SLC45A3: variants seen among roughly 807,000 people sequenced by gnomAD.
SLC45A3 encodes solute carrier family 45 member 3, also known as prostate cancer associated protein 2.
In SLC45A3, 17 loss-of-function variants were observed where a neutral mutation model predicts 35.3. The observed-to-expected ratio is 0.48, with a 90% CI of 0.33 to 0.72. The LOEUF (loss-of-function observed/expected upper bound fraction) is 0.72, where lower values mean the gene tolerates loss of function less well. SLC45A3 is among the 30% of genes least tolerant of loss of function. The pLI, the probability that SLC45A3 is intolerant of heterozygous loss-of-function variation, is 0.02. For missense variants in SLC45A3, 597 were observed against 731.7 expected (o/e 0.82, Z 2.12); for synonymous variants, 288 against 334.3 (o/e 0.86, Z 1.51).
At chr1:205,678,192 C>T (rs183100191) in intron 1 of SLC45A3, among the ~76,000 whole-genome samples, 63 of 152,266 alleles carry the variant, frequency 4.1e-4, no homozygotes, top group African/African-American at 1.5e-3. Flanking sequence ...TGGTGGGTGC[C>T]TGTAATCCCA....
At chr1:205,667,941 C>T (rs751131898) in intron 1 of SLC45A3, among the ~76,000 whole-genome samples, 2 of 152,130 alleles carry the variant, frequency 1.3e-5, no homozygotes, top group East Asian at 1.9e-4. Flanking sequence ...TCCAACGCCC[C>T]CCATCCCCAC....
intron 2 of SLC45A3, 97 bp from the exon 3 acceptor site, chr1:205,663,715 C>G: frequency 8.2e-7 from 1 of 1,223,056 alleles, no homozygotes; most frequent in Non-Finnish European, 1.1e-6. Flanking sequence ...AATAACATTC[C>G]GTACTCGACA....
Position 205,662,801 on chromosome 1 carries a change from A to G in SLC45A3, c.958+32T>C, listed in dbSNP as rs374592758. 1 of 1,539,810 alleles carries G rather than the reference A, an allele frequency of 6.5e-7. No individual in the cohort carries two copies. Among genetic ancestry groups the G allele is most frequent in the South Asian group, 1.3e-5 (1 of 79,606 alleles). ...GTGTCGTCTCTGGTGGGCGGCTCCC[A>G]CACCAGCCTCTGCTGGCTGCCAAGG... On this transcript the variant is annotated intron_variant, in intron 3 of 4. Transcript: ENST00000367145. The surrounding 1 kb of genome is among the most constrained non-coding windows in gnomAD (Gnocchi z 6.2).
In SLC45A3 at chr1:205,662,992, T is replaced by C. The variant is rs767789880; in HGVS notation, c.799A>G (p.Met267Val). The change falls in exon 3 of 5, where the codon ATG (methionine) becomes GTG (valine). Residue 267 changes from methionine to valine, a missense_variant. Met to Val is a conservative substitution (Grantham distance 21). Around this residue, in one of 3 missense-constraint regions of SLC45A3, gnomAD observed 555 missense variants for 664.9 expected, o/e 0.83. Transcript: ENST00000367145. This position sits in a 1 kb window ranked among gnomAD's most constrained non-coding sequence, Gnocchi z 6.2. ...LPRLHQLCCR[M>V]PRTLRRLFVA... ...AAGAGCCGGCGCAGGGTGCGGGGCA[T>C]GCGGCAGCACAGCTGGTGCAGCCGG... 2.5e-6 allele frequency: 4 copies of C among 1,613,026 alleles called. No individual in the cohort carries two copies. The highest frequency in any genetic ancestry group is 2.5e-6 in the Non-Finnish European group (3 of 1,179,664).
At chr1:205,680,199 C>T (rs1772137) in intron 1 of SLC45A3, among the ~76,000 whole-genome samples, 195 bp downstream of exon 1, 84,964 of 151,546 alleles carry the variant, frequency 0.56, 26,687 homozygotes, top group Non-Finnish European at 0.72. Context: ...CGGCACCCGC[C>T]CCGGCAGAGC....
Position 205,666,688 on chromosome 1 carries a change from G to A in SLC45A3, c.-230-1802C>T, listed in dbSNP as rs370881046. Among the ~76,000 whole-genome samples, 47 of 152,360 alleles carry A rather than the reference G, an allele frequency of 3.1e-4. No individual in the cohort carries two copies. In the South Asian group the frequency reaches 7.3e-3, roughly 24 times the overall value. On this transcript the variant is annotated intron_variant, in intron 1 of 4. Coordinates refer to ENST00000367145, the MANE Select transcript of SLC45A3 (RefSeq NM_033102.3). This position sits in a 1 kb window ranked among gnomAD's most constrained non-coding sequence, Gnocchi z 4.1. ...TGGGATGGGGCACACGGCCTCCTAC[G>A]GAGGTGGCATGAGAAGGGGTGTAAA...
chr1:205,663,563 G>A lies in SLC45A3; in HGVS notation c.228C>T (p.Asp76=). Residue 76 remains aspartate, a synonymous_variant, in exon 3 of 5, where the codon GAC becomes GAT. Coordinates refer to ENST00000367145, the MANE Select transcript of SLC45A3 (RefSeq NM_033102.3). ...GGCGGCCATAGCGTCCACGCCAGTG[G>A]TCACTGGCTGAGCCTAGGAGCGGGA... The part of the protein sequence containing the change: ...VCVPLLGSAS[D]HWRGRYGRRR... The A allele has an allele frequency of 1.2e-6, 2 of 1,611,820 alleles. No homozygotes were observed. The highest frequency in any genetic ancestry group is 2.2e-5 in the East Asian group (1 of 44,874).
chr1:205,667,500 C>T (rs1303664646), intron 1 of SLC45A3, among the ~76,000 whole-genome samples: 2 of 151,942 alleles, frequency 1.3e-5, no homozygotes, highest in African/African-American at 4.8e-5. Context: ...TGCGAAACTC[C>T]ATCTCAAATA....
At chr1:205,670,924 TC>T (rs920208904) in intron 1 of SLC45A3, among the ~76,000 whole-genome samples, 4 of 151,838 alleles carry the variant, frequency 2.6e-5, no homozygotes, top group African/African-American at 9.7e-5. Flanking sequence ...AATGGCTCCC[TC>T]CCCCCACTCA....
At position 205,664,872 on chromosome 1, in the gene SLC45A3, C is replaced by T. The variant is rs1671094198; in HGVS notation, c.-216G>A. 1 of 1,400,326 alleles carries T rather than the reference C, an allele frequency of 7.1e-7. No individual in the cohort carries two copies. The highest frequency in any genetic ancestry group is 2.6e-5 in the East Asian group (1 of 38,208). 86.7% of individuals were successfully genotyped at this position (1,400,326 alleles called of 1,614,324 possible). A position where few individuals can be genotyped will look rare whatever the true frequency, so the allele number is the denominator to read the frequency against. ...GTGGGGCACCTCAGTGGGGACACGT[C>T]TCATCACTCAGATCCTAGAAGGGCG... On this transcript the variant is annotated 5_prime_UTR_variant, in exon 2 of 5. Coordinates refer to ENST00000367145, the MANE Select transcript of SLC45A3 (RefSeq NM_033102.3). The surrounding 1 kb of genome is among the most constrained non-coding windows in gnomAD (Gnocchi z 5.3).
chr1:205,671,919 T>C (rs771372190), intron 1 of SLC45A3, among the ~76,000 whole-genome samples: 1 of 151,854 alleles, frequency 6.6e-6, no homozygotes, highest in Non-Finnish European at 1.5e-5. Flanking sequence ...AAACGCACAA[T>C]AGCAGCCAAC....
rs763725210 is a variant in SLC45A3 at position 205,663,226 on chromosome 1, C to T, written c.565G>A (p.Ala189Thr). ...PAIDWDTSAL[A>T]PYLGTQEECL... is the part of the protein sequence containing the mutation. ...TCCTCCTGGGTGCCCAGGTAGGGGG[C>T]CAGGGCACTGGTGTCCCAGTCAATG... Residue 189 changes from alanine (A) to threonine (T), a missense_variant, in exon 3 of 5, where the codon GCC becomes ACC. By Grantham distance (58) the Ala-to-Thr change is moderately conservative. This residue lies in a region of SLC45A3 where 555 missense variants were observed against 664.9 expected (regional missense o/e 0.83). Coordinates refer to ENST00000367145, the MANE Select transcript of SLC45A3 (RefSeq NM_033102.3). 1.9e-6 allele frequency: 3 copies of T among 1,613,558 alleles called. No individual in the cohort carries two copies. The highest frequency in any genetic ancestry group is 2.2e-5 in the East Asian group (1 of 44,880).
In SLC45A3 at chr1:205,662,771, C is replaced by T; in HGVS notation, c.958+62G>A. 6.6e-7 allele frequency: 1 copy of T among 1,518,374 alleles called. No homozygotes were observed. Among genetic ancestry groups the T allele is most frequent in the Admixed American group, 2.1e-5 (1 of 48,338 alleles). 94.1% of individuals were successfully genotyped at this position (1,518,374 alleles called of 1,614,324 possible). A position where few individuals can be genotyped will look rare whatever the true frequency, so the allele number is the denominator to read the frequency against. Reference sequence around the variant, plus strand: ...GGAGAGGCACCAGCCCAGACACAGCCCCGAGTGTCGTCTCTGGTGGGCGGC... The same window carrying T: ...GGAGAGGCACCAGCCCAGACACAGCTCCGAGTGTCGTCTCTGGTGGGCGGC... On this transcript the variant is annotated intron_variant, in intron 3 of 4. Coordinates refer to ENST00000367145, the MANE Select transcript of SLC45A3 (RefSeq NM_033102.3). This position sits in a 1 kb window ranked among gnomAD's most constrained non-coding sequence, Gnocchi z 6.2.
Position 205,669,525 on chromosome 1 carries a change from C to T in SLC45A3, c.-230-4639G>A, listed in dbSNP as rs140222727. 3.5e-3 allele frequency among the ~76,000 whole-genome samples: 526 copies of T among 152,188 alleles called. 3 individuals are homozygous for T. The highest frequency in any genetic ancestry group is 2.7e-3 in the Non-Finnish European group (182 of 67,986). ...TTCCCTCTACTGACAGACAGAGGCC[C>T]GTGGAAGCCCAGGCTGGGGGCAGCC... is the stretch of plus-strand genomic sequence containing the variant. On this transcript the variant is annotated intron_variant, in intron 1 of 4. Transcript: ENST00000367145. The surrounding 1 kb of genome is among the most constrained non-coding windows in gnomAD (Gnocchi z 4.1).
intron 4 of SLC45A3, among the ~76,000 whole-genome samples, chr1:205,660,792 C>T (rs1671006666): frequency 6.6e-6 from 1 of 152,072 alleles, no homozygotes; most frequent in South Asian, 2.1e-4. Flanking sequence ...CCCCCTGCCC[C>T]CAGCCCAGGC....
chr1:205,662,994 C>G lies in SLC45A3; in HGVS notation c.797G>C (p.Arg266Pro). ...LLPRLHQLCC[R>P]MPRTLRRLFV... ...GAGCCGGCGCAGGGTGCGGGGCATGCGGCAGCACAGCTGGTGCAGCCGGGG... is the reference window on the plus strand; with the variant it reads ...GAGCCGGCGCAGGGTGCGGGGCATGGGGCAGCACAGCTGGTGCAGCCGGGG... Residue 266 changes from arginine (R) to proline (P), a missense_variant, in exon 3 of 5, where the codon CGC (arginine) becomes CCC (proline). Arg to Pro is a moderately radical substitution (Grantham distance 103, BLOSUM62 -2). Around this residue, in one of 3 missense-constraint regions of SLC45A3, gnomAD observed 555 missense variants for 664.9 expected, o/e 0.83. Coordinates refer to ENST00000367145, the MANE Select transcript of SLC45A3 (RefSeq NM_033102.3). The surrounding 1 kb of genome is among the most constrained non-coding windows in gnomAD (Gnocchi z 6.2). 6.2e-7 allele frequency: 1 copy of G among 1,612,778 alleles called. No individual in the cohort carries two copies. Among genetic ancestry groups the G allele is most frequent in the Non-Finnish European group, 8.5e-7 (1 of 1,179,522 alleles).
chr1:205,668,957 T>G (rs1293329809), intron 1 of SLC45A3, among the ~76,000 whole-genome samples: 1 of 152,228 alleles, frequency 6.6e-6, no homozygotes, highest in East Asian at 1.9e-4. Context: ...GGATCCCCGC[T>G]GCACCCCTCC....
intron 1 of SLC45A3, among the ~76,000 whole-genome samples, chr1:205,676,598 G>C (rs761581944): frequency 6.6e-6 from 1 of 152,198 alleles, no homozygotes; most frequent in Non-Finnish European, 1.5e-5. Flanking sequence ...GCCAACAGGG[G>C]AAGCAGGCCC....
Position 205,658,645 on chromosome 1 carries a change from G to C in SLC45A3, c.*589C>G, listed in dbSNP as rs1490305146. 13 of 233,076 alleles carry C rather than the reference G, an allele frequency of 5.6e-5. No individual in the cohort carries two copies. Among genetic ancestry groups the C allele is most frequent in the Non-Finnish European group, 9.3e-5 (11 of 117,762 alleles). The allele number at this position is 233,076 out of a possible 1,614,324, so 14.4% of individuals were successfully genotyped here. On this transcript the variant is annotated 3_prime_UTR_variant, in exon 5 of 5. Coordinates refer to ENST00000367145, the MANE Select transcript of SLC45A3 (RefSeq NM_033102.3). The stretch of plus-strand genomic sequence containing the variant: ...GGCCACATCCTGATAAAAGGTAAGA[G>C]GGGGGTGGATCAGCAAAAAGACAGT...
Sources: gnomAD v4.1 joint callset for allele counts (sites outside exome capture counted in the v4.1 genomes callset) on GRCh38, gnomAD v4.1.1 for gene constraint, gnomAD v4.1.1 regional missense constraint, Gnocchi (gnomAD v3.1) non-coding constraint, MANE v1.5 for transcripts, NCBI Gene and HGNC (gene_info 2026-07-23, HGNC 2026-07-21) for gene names.